ANK2: variants seen among roughly 807,000 people sequenced by gnomAD.
The protein encoded by ANK2 is ankyrin-2.
A neutral mutation model predicts 360.5 loss-of-function variants in ANK2; 83 were observed. The observed-to-expected ratio is 0.23, with a 90% CI of 0.19 to 0.28. The LOEUF (loss-of-function observed/expected upper bound fraction) is 0.28, where lower values mean the gene tolerates loss of function less well. ANK2 is among the 10% of genes least tolerant of loss of function. ANK2 has a pLI of 1.00. For missense variants in ANK2, 4,201 were observed against 4,795.7 expected (o/e 0.88, Z 3.66); for synonymous variants, 1,740 against 1,759.5 (o/e 0.99, Z 0.28).
chr4:113,297,194 A>G (rs982953646), intron 22 of ANK2, among the ~76,000 whole-genome samples: 4 of 152,198 alleles, frequency 2.6e-5, no homozygotes, highest in Admixed American at 6.5e-5. Flanking sequence ...TAAAATGTAT[A>G]TTTCAACATA....
At chr4:113,279,952 A>G (rs939977017) in intron 17 of ANK2, among the ~76,000 whole-genome samples, 5 of 152,082 alleles carry the variant, frequency 3.3e-5, no homozygotes, top group African/African-American at 1.2e-4. Context: ...TTCATATCAT[A>G]TTCATTTGCA....
chr4:112,783,552 G>T, the ANK2 span, among the ~76,000 whole-genome samples: 1 of 151,772 alleles, frequency 6.6e-6, no homozygotes, highest in South Asian at 2.1e-4. Flanking sequence ...TACATTTCTT[G>T]ATAGCATACT....
At chr4:113,104,976 G>A (rs2093434507) in intron 1 of ANK2, among the ~76,000 whole-genome samples, 1 of 152,044 alleles carries the variant, frequency 6.6e-6, no homozygotes. Flanking sequence ...ATACTTGATG[G>A]TTGTGGTAAC....
intron 2 of ANK2, among the ~76,000 whole-genome samples, chr4:112,911,583 G>T (rs2087437162): frequency 1.3e-5 from 2 of 152,076 alleles, no homozygotes; most frequent in African/African-American, 4.8e-5. Context: ...TCAGCCTGTT[G>T]AATAGCTGGG....
intron 2 of ANK2, among the ~76,000 whole-genome samples, chr4:112,950,351 G>T (rs943037939): frequency 4.6e-5 from 7 of 152,148 alleles, no homozygotes. Context: ...ATTAAGAAAG[G>T]TTAAAAAGTA....
intron 1 of ANK2, among the ~76,000 whole-genome samples, chr4:112,894,929 A>C (rs1418110397): frequency 9.9e-5 from 15 of 152,194 alleles, no homozygotes; most frequent in Admixed American, 9.8e-4. Context: ...ACAGTCTTTG[A>C]CTATAACTAA....
intron 2 of ANK2, among the ~76,000 whole-genome samples, chr4:112,942,579 C>T (rs1053022990): frequency 7.3e-5 from 11 of 151,266 alleles, no homozygotes; most frequent in African/African-American, 2.2e-4. Context: ...GATAAATGAC[C>T]AAAGCAATAC....
intron 15 of ANK2, 38 bp downstream of exon 15, chr4:113,274,687 GAT>G: frequency 6.2e-7 from 1 of 1,606,814 alleles, no homozygotes; most frequent in Non-Finnish European, 8.5e-7. Context: ...GGACCAAGAG[GAT>G]TCCTAAGTCA....
intron 1 of ANK2, among the ~76,000 whole-genome samples, chr4:113,155,581 GA>G (rs573195717): frequency 4.8e-4 from 73 of 151,752 alleles, no homozygotes; most frequent in African/African-American, 1.7e-3. Context: ...TTAAATGGAA[GA>G]AAAAAGAAAC....
At position 112,950,640 on chromosome 4, in the gene ANK2, T is replaced by A. The variant is rs1246104050; in HGVS notation, c.21+46126T>A. Among the ~76,000 whole-genome samples, 11 of 120,554 alleles carry A rather than the reference T, an allele frequency of 9.1e-5. No individual in the cohort carries two copies. The East Asian group carries it at 2.6e-3, about 29-fold the overall frequency. The allele number at this position is 120,554 out of a possible 152,430, so 79.1% of individuals were successfully genotyped here. On this transcript the variant is annotated intron_variant, in intron 2 of 30. Coordinates refer to the ANK2 transcript ENST00000503271. Reference sequence around the variant, plus strand: ...GCCTGGGTGACAGAGCGAGACTCTGTCTCAAAAAGAAAAAAAAAAAAAAGA... The same window carrying A: ...GCCTGGGTGACAGAGCGAGACTCTGACTCAAAAAGAAAAAAAAAAAAAAGA...
chr4:113,320,419 C>T (rs1035336917), intron 26 of ANK2, among the ~76,000 whole-genome samples: 8 of 152,092 alleles, frequency 5.3e-5, no homozygotes, highest in African/African-American at 9.7e-5. Flanking sequence ...TCTGGGAGGA[C>T]GAGGTGGACG....
intron 2 of ANK2, among the ~76,000 whole-genome samples, chr4:112,988,515 G>T (rs2045694770): frequency 6.6e-6 from 1 of 152,218 alleles, no homozygotes. Flanking sequence ...AAGAAATGCA[G>T]AATGTGTACA....
chr4:113,173,529 A>G (rs1221416632), intron 1 of ANK2, among the ~76,000 whole-genome samples: 1 of 152,172 alleles, frequency 6.6e-6, no homozygotes, highest in Non-Finnish European at 1.5e-5. Flanking sequence ...TTGGAACCCA[A>G]CAAAAGTTTA....
At chr4:112,936,877 C>G (rs1201974166) in intron 2 of ANK2, among the ~76,000 whole-genome samples, 1 of 152,152 alleles carries the variant, frequency 6.6e-6, no homozygotes. Flanking sequence ...CAGCCTCAAT[C>G]TCCGGGGCTC....
intron 2 of ANK2, among the ~76,000 whole-genome samples, chr4:112,981,963 C>A (rs1296740467): frequency 6.6e-6 from 1 of 151,934 alleles, no homozygotes; most frequent in Non-Finnish European, 1.5e-5. Flanking sequence ...AACAGTAGTC[C>A]CTATCAACAT....
intron 2 of ANK2, among the ~76,000 whole-genome samples, chr4:112,941,446 ATATC>A (rs1207229245): frequency 6.9e-6 from 1 of 144,386 alleles, no homozygotes; most frequent in Non-Finnish European, 1.5e-5. Context: ...ATATATACAT[ATATC>A]TTTTATAAAT....
chr4:113,087,630 T>C (rs148584102), intron 1 of ANK2, among the ~76,000 whole-genome samples: 1 of 152,130 alleles, frequency 6.6e-6, no homozygotes, highest in Non-Finnish European at 1.5e-5. Flanking sequence ...GAATTTTCAA[T>C]GACACTTTAA....
chr4:113,330,585 C>A, intron 27 of ANK2, 115 bp downstream of exon 27: 2 of 1,040,178 alleles, frequency 1.9e-6, no homozygotes, highest in Non-Finnish European at 2.8e-6. Context: ...AGAGGATCAG[C>A]ACCAATGACA....
chr4:113,187,454 T>C (rs2098551680), intron 2 of ANK2, among the ~76,000 whole-genome samples: 1 of 152,174 alleles, frequency 6.6e-6, no homozygotes, highest in African/African-American at 2.4e-5. Flanking sequence ...AACTCTACTT[T>C]TAGTGAAATT....
Sources: allele counts gnomAD v4.1 joint callset (sites outside exome capture counted in the v4.1 genomes callset), GRCh38; gene constraint gnomAD v4.1.1; transcripts MANE v1.5; gene names NCBI Gene and HGNC (gene_info 2026-07-23, HGNC 2026-07-21).